The following PDS5A variants were observed in gnomAD, a reference collection of about 807,000 sequenced individuals.
PDS5A encodes sister chromatid cohesion protein PDS5 homolog A.
In PDS5A, 42 loss-of-function variants were observed where a neutral mutation model predicts 167.1. The observed-to-expected ratio is 0.25, with a 90% CI of 0.20 to 0.33. PDS5A has a LOEUF of 0.33. Ranked by LOEUF, PDS5A falls within the 10% of genes least tolerant of loss-of-function variation. The probability of loss-of-function intolerance (pLI) is 1.00; values close to 1 mark genes in which losing one functional copy is unlikely to be tolerated. For missense variants in PDS5A, 1,033 were observed against 1,605.9 expected (o/e 0.64, Z 6.10); for synonymous variants, 553 against 554.6 (o/e 1.00, Z 0.04).
At chr4:39,909,737 G>C (rs1355443215) in intron 10 of PDS5A, among the ~76,000 whole-genome samples, 1 of 152,110 alleles carries the variant, frequency 6.6e-6, no homozygotes, top group East Asian at 1.9e-4. Context: ...CTTATGTGCT[G>C]CTACCAAAAA....
intron 12 of PDS5A, 53 bp from the exon 13 acceptor site, chr4:39,902,513 T>A: frequency 1.1e-6 from 1 of 918,664 alleles, no homozygotes; most frequent in Non-Finnish European, 1.7e-6. Flanking sequence ...ATTCCATTTT[T>A]AAGAAGCAAT....
chr4:39,921,989 AC>A (rs1400801459), intron 6 of PDS5A, among the ~76,000 whole-genome samples: 1 of 152,228 alleles, frequency 6.6e-6, no homozygotes, highest in Non-Finnish European at 1.5e-5. Flanking sequence ...ATGTCTGATA[AC>A]AGGATACTGA....
intron 16 of PDS5A, among the ~76,000 whole-genome samples, chr4:39,894,276 C>T (rs1235652016): frequency 2.0e-5 from 3 of 151,842 alleles, no homozygotes; most frequent in African/African-American, 2.4e-5. Flanking sequence ...GGCATGATGG[C>T]GCATGCCTGT....
chr4:39,880,916 T>C (rs1720874028), intron 17 of PDS5A, among the ~76,000 whole-genome samples: 1 of 152,152 alleles, frequency 6.6e-6, no homozygotes, highest in African/African-American at 2.4e-5. Context: ...TTTTGTATCC[T>C]TTTTTGTAAT....
In PDS5A at chr4:39,952,257, G is replaced by C. The variant is rs552247775; in HGVS notation, c.139-24093C>G. On this transcript the variant is annotated intron_variant, in intron 2 of 32. Coordinates refer to ENST00000303538, the MANE Select transcript of PDS5A (RefSeq NM_001100399.2). ...GAGGCAGGAGAACTGCTTGAACCCG[G>C]GAAGCGGAGGTTGCAGTGAGCTGAT... is the stretch of plus-strand genomic sequence containing the variant. 6.6e-5 allele frequency among the ~76,000 whole-genome samples: 10 copies of C among 152,258 alleles called. No individual in the cohort carries two copies. In the South Asian group the frequency reaches 1.9e-3, roughly 28 times the overall value.
rs903957687 is a variant in PDS5A at position 39,937,534 on chromosome 4, C to A, written c.139-9370G>T. On this transcript the variant is annotated intron_variant, in intron 2 of 32. Transcript: ENST00000303538. ...GCTCAAGTGATCCTCCTGCCTCGGT[C>A]TCCTGAGTAGCTGGGACCACAGACG... Among the ~76,000 whole-genome samples the A allele has an allele frequency of 2.6e-5, 4 of 152,144 alleles. No homozygotes were observed. The South Asian group carries it at 6.2e-4, about 24-fold the overall frequency.
intron 31 of PDS5A, 49 bp from the exon 32 acceptor site, chr4:39,838,257 A>G: frequency 8.1e-7 from 1 of 1,237,902 alleles, no homozygotes; most frequent in South Asian, 1.6e-5. Context: ...TTAAATATTA[A>G]TGATCTCTAT....
rs1235505578 is a variant in PDS5A at position 39,909,090 on chromosome 4, T to TAAAAA, written c.1088-551_1088-550insTTTTT. 4.1e-5 allele frequency among the ~76,000 whole-genome samples: 6 copies of TAAAAA among 145,134 alleles called. No individual in the cohort carries two copies. In the South Asian group the frequency reaches 1.3e-3, roughly 31 times the overall value. Reference sequence around the variant, plus strand: ...TAAAATAAAATAAAATAAAATAAAATAAAATACTTCACAGTTACATCTTTT... The same window carrying TAAAAA: ...TAAAATAAAATAAAATAAAATAAAATAAAAAAAAATACTTCACAGTTACATCTTTT... On this transcript the variant is annotated intron_variant, in intron 10 of 32. Coordinates refer to ENST00000303538, the MANE Select transcript of PDS5A (RefSeq NM_001100399.2).
intron 2 of PDS5A, chr4:39,973,367 G>A: frequency 1.2e-6 from 2 of 1,604,146 alleles, no homozygotes; most frequent in Non-Finnish European, 1.7e-6. Context: ...TGTGCATTAA[G>A]ATGTTGCTGA....
intron 23 of PDS5A, among the ~76,000 whole-genome samples, chr4:39,865,467 T>C (rs1260106021): frequency 1.3e-5 from 2 of 152,204 alleles, no homozygotes; most frequent in Admixed American, 6.5e-5. Context: ...GGCAGGAGGA[T>C]TGCTTGAGCC....
chr4:39,844,669 C>T lies in PDS5A; in HGVS notation c.3535G>A (p.Gly1179Arg), dbSNP rs1250610944. 5.0e-6 allele frequency: 8 copies of T among 1,606,428 alleles called. No individual in the cohort carries two copies. Among genetic ancestry groups the T allele is most frequent in the Non-Finnish European group, 6.8e-6 (8 of 1,177,824 alleles). The change falls in exon 30 of 33, where the codon GGA (glycine) becomes AGA (arginine). Residue 1179 changes from glycine (G) to arginine (R), a missense_variant. Physicochemically the swap from Gly to Arg is moderately radical, Grantham distance 125. Transcript: ENST00000303538. ...GAGAAAAGTTGCCTTGATCGATTTC[C>T]GGTTGAAGGGTTCAGCTCTGAATTT... ...NVNSELNPSTGNRSREQSSEA... is the reference protein window; with the variant it reads ...NVNSELNPSTRNRSREQSSEA...
chr4:39,897,773 T>C (rs1408122586), intron 16 of PDS5A, among the ~76,000 whole-genome samples: 1 of 151,486 alleles, frequency 6.6e-6, no homozygotes, highest in Admixed American at 6.6e-5. Context: ...GGCTGGGGTA[T>C]AGGATCACAT....
At chr4:39,848,828 A>G (rs1312888004) in intron 28 of PDS5A, 23 bp downstream of exon 28, 2 of 1,555,164 alleles carry the variant, frequency 1.3e-6, no homozygotes, top group African/African-American at 2.7e-5. Flanking sequence ...GTGTGGTAGG[A>G]AAAATGAGAG....
chr4:39,839,758 G>T (rs911927774), intron 31 of PDS5A, among the ~76,000 whole-genome samples: 2 of 119,798 alleles, frequency 1.7e-5, no homozygotes, highest in African/African-American at 2.6e-5. Flanking sequence ...TGATTCTGGG[G>T]GGGGGGGGCA....
chr4:39,871,452 T>G (rs1201960444), intron 21 of PDS5A, among the ~76,000 whole-genome samples: 1 of 152,180 alleles, frequency 6.6e-6, no homozygotes, highest in East Asian at 1.9e-4. Context: ...CGTTCTTCTC[T>G]TCTTGTCTGC....
intron 2 of PDS5A, chr4:39,933,274 A>C (rs1402672769): frequency 6.6e-6 from 1 of 152,162 alleles, no homozygotes; most frequent in Non-Finnish European, 1.5e-5. Flanking sequence ...TGTGCTATCA[A>C]AAGTATGTAT....
intron 2 of PDS5A, among the ~76,000 whole-genome samples, chr4:39,937,248 T>G (rs895163584): frequency 3.3e-5 from 5 of 152,114 alleles, no homozygotes; most frequent in African/African-American, 4.8e-5. Context: ...GCTGCCTCAT[T>G]AGCGTAACAA....
At chr4:39,914,545 T>C (rs1406135156) in intron 8 of PDS5A, among the ~76,000 whole-genome samples, 1 of 152,176 alleles carries the variant, frequency 6.6e-6, no homozygotes. Context: ...CTCATTTTAA[T>C]AGCAATGCAA....
intron 26 of PDS5A, among the ~76,000 whole-genome samples, chr4:39,860,627 C>G (rs1042398315): frequency 6.6e-6 from 1 of 152,098 alleles, no homozygotes; most frequent in Non-Finnish European, 1.5e-5. Flanking sequence ...GGAGGATATA[C>G]ACACATACAA....
Sources: gnomAD v4.1 joint callset for allele counts (sites outside exome capture counted in the v4.1 genomes callset) on GRCh38, gnomAD v4.1.1 for gene constraint, MANE v1.5 for transcripts, NCBI Gene and HGNC (gene_info 2026-07-23, HGNC 2026-07-21) for gene names.